Variants in RUNX3 observed in about 807,000 individuals in gnomAD.
The protein encoded by RUNX3 is runt-related transcription factor 3.
Under a neutral mutation model 27.7 loss-of-function variants are expected in RUNX3, and 10 were observed. The ratio of observed to expected loss-of-function variants is 0.36; its 90% CI spans 0.22 to 0.61. The LOEUF (loss-of-function observed/expected upper bound fraction) is 0.61, where lower values mean the gene tolerates loss of function less well. Ranked by LOEUF, RUNX3 falls within the 20% of genes least tolerant of loss-of-function variation. The probability of loss-of-function intolerance (pLI) is 0.72; values close to 1 mark genes in which losing one functional copy is unlikely to be tolerated. For missense variants in RUNX3, 469 were observed against 629.5 expected (o/e 0.75, Z 2.73); for synonymous variants, 270 against 269.2 (o/e 1.00, Z -0.03).
In RUNX3 at chr1:24,902,296, G is replaced by A. The variant is rs1244360373; in HGVS notation, c.1074C>T (p.Thr358=). Reference sequence around the variant, plus strand: ...TGCTGGTGCAAGAGGCCAGCATGCGGGTAGGTGAGCGGTCGCCCCCACTGC... The same window carrying A: ...TGCTGGTGCAAGAGGCCAGCATGCGAGTAGGTGAGCGGTCGCCCCCACTGC... ...GSSSGGDRSP[T]RMLASCTSSA... Residue 358 remains threonine, a synonymous_variant, in exon 5 of 5, where the codon ACC becomes ACT. Coordinates refer to ENST00000308873, the MANE Select transcript of RUNX3 (RefSeq NM_004350.3). The surrounding 1 kb of genome is among the most constrained non-coding windows in gnomAD (Gnocchi z 9.2). 1.2e-6 allele frequency: 2 copies of A among 1,603,522 alleles called. No homozygotes were observed. Among genetic ancestry groups the A allele is most frequent in the Non-Finnish European group, 1.7e-6 (2 of 1,176,796 alleles).
chr1:24,923,462 T>C lies in RUNX3; in HGVS notation c.439+4112A>G, dbSNP rs1641038365. Among the ~76,000 whole-genome samples the C allele has an allele frequency of 6.6e-6, 1 of 152,096 alleles. No homozygotes were observed. The highest frequency in any genetic ancestry group is 2.1e-4 in the South Asian group (1 of 4,818). On this transcript the variant is annotated intron_variant, in intron 2 of 4. Transcript: ENST00000308873. The surrounding 1 kb of genome is among the most constrained non-coding windows in gnomAD (Gnocchi z 5.9). ...GAGTCCCAGGCAAACCTGCAATCCA[T>C]CAGGAGCCCAGGAAGTGTAAACCCA...
chr1:24,928,391 G>T (rs1047244704), intron 1 of RUNX3, among the ~76,000 whole-genome samples: 8 of 152,168 alleles, frequency 5.3e-5, no homozygotes, highest in Non-Finnish European at 1.2e-4. Flanking sequence ...TGGGGGTGGC[G>T]ATGTCCCCCT....
chr1:24,907,456 A>C (rs757870230), intron 3 of RUNX3, 39 bp from the exon 4 acceptor site: 2 of 1,585,766 alleles, frequency 1.3e-6, no homozygotes, highest in Admixed American at 3.5e-5. Context: ...TTGCTTCCCC[A>C]GAGTCTCAGT....
intron 3 of RUNX3, among the ~76,000 whole-genome samples, chr1:24,908,472 C>A (rs1640729462): frequency 6.6e-6 from 1 of 151,910 alleles, no homozygotes. Context: ...CTATCGAGAC[C>A]CCTGTCTGTA....
In RUNX3 at chr1:24,923,426, ACT is replaced by A. The variant is rs766067176; in HGVS notation, c.440-4084_440-4083del. 3.9e-5 allele frequency among the ~76,000 whole-genome samples: 6 copies of A among 151,914 alleles called. No individual in the cohort carries two copies. The highest frequency in any genetic ancestry group is 1.3e-4 in the Admixed American group (2 of 15,260). On this transcript the variant is annotated intron_variant, in intron 2 of 4. Coordinates refer to ENST00000308873, the MANE Select transcript of RUNX3 (RefSeq NM_004350.3). This position sits in a 1 kb window ranked among gnomAD's most constrained non-coding sequence, Gnocchi z 5.9. Reference sequence around the variant, plus strand: ...CCCTCTCTCTCAGCCTCTAGATATAACTCTGTGCAGGAGTCCCAGGCAAACCT... The same window carrying A: ...CCCTCTCTCTCAGCCTCTAGATATAACTGTGCAGGAGTCCCAGGCAAACCT...
At chr1:24,908,202 C>T (rs1348816612) in intron 3 of RUNX3, among the ~76,000 whole-genome samples, 1 of 147,656 alleles carries the variant, frequency 6.8e-6, no homozygotes, top group Non-Finnish European at 1.5e-5. Context: ...GTGATCCGAA[C>T]CTCTACGACA....
rs745591319 is a variant in RUNX3, at chr1:24,929,687, T to A, written c.182A>T (p.Asp61Val). The change falls in exon 1 of 5, where the codon GAC (aspartate) becomes GTC (valine). Residue 61 changes from aspartate (D) to valine (V), a missense_variant. This residue lies in a region of RUNX3 where 115 missense variants were observed against 118.0 expected (regional missense o/e 0.97). Transcript: ENST00000308873. ...EVRSMVDVLA[D>V]HAGELVRTDS... is the part of the protein sequence containing the mutation. ...GGTGCGCACGAGCTCGCCTGCGTGG[T>A]CCGCCAGCACGTCCACCATCGAGCG... 1 of 1,582,910 alleles carries A rather than the reference T, an allele frequency of 6.3e-7. No homozygotes were observed. The highest frequency in any genetic ancestry group is 8.5e-7 in the Non-Finnish European group (1 of 1,171,064).
intron 3 of RUNX3, among the ~76,000 whole-genome samples, chr1:24,917,940 C>T (rs1640919336): frequency 6.6e-6 from 1 of 152,174 alleles, no homozygotes; most frequent in Non-Finnish European, 1.5e-5. Flanking sequence ...AAGCCCAAGG[C>T]CAAGGGCATG....
chr1:24,953,258 G>A (rs1421343726), intron 2 of RUNX3, among the ~76,000 whole-genome samples: 6 of 150,998 alleles, frequency 4.0e-5, no homozygotes, highest in African/African-American at 1.2e-4. Flanking sequence ...CCAGCTACTC[G>A]AGAGGCTGAG....
At position 24,929,666 on chromosome 1, in the gene RUNX3, C is replaced by T; in HGVS notation, c.203G>A (p.Arg68His). The change falls in exon 1 of 5, where the codon CGC (arginine) becomes CAC (histidine). Residue 68 changes from arginine to histidine, a missense_variant. By Grantham distance (29) the Arg-to-His change is conservative. Coordinates refer to ENST00000308873, the MANE Select transcript of RUNX3 (RefSeq NM_004350.3). Reference protein sequence around the residue: ...VLADHAGELVRTDSPNFLCSV... With the variant: ...VLADHAGELVHTDSPNFLCSV... ...GCAGAGGAAGTTGGGGCTGTCGGTG[C>T]GCACGAGCTCGCCTGCGTGGTCCGC... 6.3e-7 allele frequency: 1 copy of T among 1,599,244 alleles called. No individual in the cohort carries two copies. Among genetic ancestry groups the T allele is most frequent in the Non-Finnish European group, 8.5e-7 (1 of 1,176,414 alleles).
chr1:24,913,438 T>C (rs1325728533), intron 3 of RUNX3, among the ~76,000 whole-genome samples: 1 of 152,190 alleles, frequency 6.6e-6, no homozygotes, highest in Non-Finnish European at 1.5e-5. Flanking sequence ...ATCTGCAAAA[T>C]GGGGATCACA....
In RUNX3 at chr1:24,927,768, T is replaced by G; in HGVS notation, c.283-38A>C. On this transcript the variant is annotated intron_variant, in intron 1 of 4. Coordinates refer to ENST00000308873, the MANE Select transcript of RUNX3 (RefSeq NM_004350.3). This position sits in a 1 kb window ranked among gnomAD's most constrained non-coding sequence, Gnocchi z 5.0. ...GGCGGGGGGATGCAGGGGGACAGCTTAGAAAGGAAGAGGGTGACCAGGGAA... is the reference window on the plus strand; with the variant it reads ...GGCGGGGGGATGCAGGGGGACAGCTGAGAAAGGAAGAGGGTGACCAGGGAA... 6.2e-7 allele frequency: 1 copy of G among 1,607,030 alleles called. No individual in the cohort carries two copies. The highest frequency in any genetic ancestry group is 8.5e-7 in the Non-Finnish European group (1 of 1,174,396).
intron 2 of RUNX3, among the ~76,000 whole-genome samples, chr1:24,926,559 G>A (rs1226996884): frequency 1.3e-5 from 2 of 152,222 alleles, no homozygotes; most frequent in Non-Finnish European, 2.9e-5. Flanking sequence ...ACATCGAACG[G>A]CTGGAAAGGA....
intron 2 of RUNX3, among the ~76,000 whole-genome samples, chr1:24,941,960 C>T (rs1392161664): frequency 6.6e-6 from 1 of 152,182 alleles, no homozygotes; most frequent in Non-Finnish European, 1.5e-5. Context: ...ACATTTATCA[C>T]CTGAGTGGGC....
At chr1:24,939,148 A>C (rs74063020) in intron 2 of RUNX3, among the ~76,000 whole-genome samples, 1 of 152,174 alleles carries the variant, frequency 6.6e-6, no homozygotes, top group African/African-American at 2.4e-5. Flanking sequence ...CACATGAAGT[A>C]GGAGGCTAGG....
At chr1:24,932,838 G>A (rs757612696), upstream of RUNX3, among the ~76,000 whole-genome samples, 1 of 152,118 alleles carries the variant, frequency 6.6e-6, no homozygotes, top group Non-Finnish European at 1.5e-5. Flanking sequence ...TCAGATCGAT[G>A]GACAAACAGG....
At chr1:24,917,414 T>C (rs1571313126) in intron 3 of RUNX3, among the ~76,000 whole-genome samples, 1 of 152,102 alleles carries the variant, frequency 6.6e-6, no homozygotes, top group Non-Finnish European at 1.5e-5. Context: ...GGGGGCTGGG[T>C]ACTGAGGACG....
chr1:24,912,916 C>G (rs1295777260), intron 3 of RUNX3, among the ~76,000 whole-genome samples: 1 of 152,156 alleles, frequency 6.6e-6, no homozygotes. Context: ...GAGCTGCTAT[C>G]TGCAGGCCCA....
Position 24,916,727 on chromosome 1 carries a change from A to T in RUNX3, c.544+2513T>A, listed in dbSNP as rs767296499. Among the ~76,000 whole-genome samples the T allele has an allele frequency of 6.6e-6, 1 of 151,900 alleles. No individual in the cohort carries two copies. Among genetic ancestry groups the T allele is most frequent in the Non-Finnish European group, 1.5e-5 (1 of 67,948 alleles). On this transcript the variant is annotated intron_variant, in intron 3 of 4. Transcript: ENST00000308873. This position sits in a 1 kb window ranked among gnomAD's most constrained non-coding sequence, Gnocchi z 4.8. The stretch of plus-strand genomic sequence containing the variant: ...AACAGGCAGGTCCTAAGGATGGGGG[A>T]CCTAGTAGACTGCCCCCCGACTCCA...
Sources: allele counts gnomAD v4.1 joint callset (sites outside exome capture counted in the v4.1 genomes callset), GRCh38; gene constraint gnomAD v4.1.1; regional missense constraint gnomAD v4.1.1; non-coding constraint Gnocchi (gnomAD v3.1); transcripts MANE v1.5; gene names NCBI Gene and HGNC (gene_info 2026-07-23, HGNC 2026-07-21).